DSCAM: variants seen among roughly 807,000 people sequenced by gnomAD.
DSCAM encodes DS cell adhesion molecule.
Under a neutral mutation model 217.7 loss-of-function variants are expected in DSCAM, and 47 were observed. That is an observed-to-expected ratio of 0.22 (90% CI 0.17 to 0.28). The LOEUF (loss-of-function observed/expected upper bound fraction) is 0.28, where lower values mean the gene tolerates loss of function less well. Ranked by LOEUF, DSCAM falls within the 10% of genes least tolerant of loss-of-function variation. DSCAM has a pLI of 1.00. For synonymous variants in DSCAM, 1,056 were observed against 1,015.3 expected, an observed-to-expected ratio of 1.04 and a Z score of -0.76; for missense variants, 2,080 against 2,618.3, an observed-to-expected ratio of 0.79 and a Z score of 4.49.
chr21:40,488,649 G>A (rs1332230809), intron 3 of DSCAM, among the ~76,000 whole-genome samples: 1 of 152,138 alleles, frequency 6.6e-6, no homozygotes, highest in Non-Finnish European at 1.5e-5. Flanking sequence ...GGGTTCCCTT[G>A]GGAATTACAG....
At chr21:40,455,504 C>T (rs1242338085) in intron 3 of DSCAM, among the ~76,000 whole-genome samples, 1 of 152,208 alleles carries the variant, frequency 6.6e-6, no homozygotes, top group Non-Finnish European at 1.5e-5. Context: ...CGGTGGCTCA[C>T]ACCTGTAATC....
At chr21:40,420,493 C>T (rs1034328592) in intron 3 of DSCAM, among the ~76,000 whole-genome samples, 40 of 152,128 alleles carry the variant, frequency 2.6e-4, no homozygotes, top group Non-Finnish European at 1.5e-5. Context: ...CTTTATGGAG[C>T]AAGCAGGAAG....
intron 3 of DSCAM, among the ~76,000 whole-genome samples, chr21:40,433,519 T>C (rs574428767): frequency 5.3e-5 from 8 of 152,302 alleles, no homozygotes; most frequent in Non-Finnish European, 1.0e-4. Flanking sequence ...TTTCCTATAA[T>C]TCAATTATTA....
intron 11 of DSCAM, among the ~76,000 whole-genome samples, chr21:40,250,968 T>C (rs2073295844): frequency 6.6e-6 from 1 of 152,208 alleles, no homozygotes; most frequent in African/African-American, 2.4e-5. Context: ...CCACAGAGCA[T>C]TTGCTCAATC....
chr21:40,442,594 A>T (rs2075641251), intron 3 of DSCAM, among the ~76,000 whole-genome samples: 1 of 133,932 alleles, frequency 7.5e-6, no homozygotes, highest in Non-Finnish European at 1.5e-5. Flanking sequence ...ATCTCGGCTC[A>T]CTGCAACCTC....
intron 5 of DSCAM, 113 bp from the exon 6 acceptor site, chr21:40,348,058 C>T (rs935576276): frequency 1.9e-6 from 2 of 1,048,020 alleles, no homozygotes; most frequent in African/African-American, 1.6e-5. Flanking sequence ...ATACTCCACA[C>T]AGTTCCCATC....
chr21:40,300,377 C>A (rs1349242212), intron 9 of DSCAM, among the ~76,000 whole-genome samples: 8 of 152,112 alleles, frequency 5.3e-5, no homozygotes, highest in African/African-American at 1.9e-4. Flanking sequence ...GAAAATGTAT[C>A]CTCAAATTCT....
At chr21:40,232,482 G>T (rs2091390804) in intron 11 of DSCAM, among the ~76,000 whole-genome samples, 1 of 152,022 alleles carries the variant, frequency 6.6e-6, no homozygotes, top group South Asian at 2.1e-4. Flanking sequence ...TCTCTACAAG[G>T]GACTTCTCTG....
At chr21:40,534,239 A>G (rs1395575871) in intron 3 of DSCAM, among the ~76,000 whole-genome samples, 1 of 152,194 alleles carries the variant, frequency 6.6e-6, no homozygotes, top group East Asian at 1.9e-4. Flanking sequence ...GGCAAAATCA[A>G]TTCAGATTCC....
chr21:40,648,250 TACAC>T (rs10639388), intron 3 of DSCAM, among the ~76,000 whole-genome samples: 155 of 145,792 alleles, frequency 1.1e-3, no homozygotes, highest in African/African-American at 2.3e-3. Context: ...CATATCCCTG[TACAC>T]ACACACACAC....
At chr21:40,215,957 A>C (rs542067617) in intron 11 of DSCAM, among the ~76,000 whole-genome samples, 1 of 149,134 alleles carries the variant, frequency 6.7e-6, no homozygotes, top group Non-Finnish European at 1.5e-5. Context: ...AAAAAAAAAC[A>C]ACTTTGGTAT....
chr21:40,195,811 A>AT (rs1323024128), intron 11 of DSCAM, among the ~76,000 whole-genome samples: 2 of 152,028 alleles, frequency 1.3e-5, no homozygotes, highest in East Asian at 1.9e-4. Flanking sequence ...TTTTAAAGCT[A>AT]TTTTTTCAAG....
chr21:40,118,524 T>A (rs2089998027), intron 20 of DSCAM, among the ~76,000 whole-genome samples: 1 of 151,942 alleles, frequency 6.6e-6, no homozygotes, highest in African/African-American at 2.4e-5. Flanking sequence ...GAGGTGGAGG[T>A]TGCAGTGAGC....
chr21:40,720,904 C>A (rs2090894196), intron 1 of DSCAM, among the ~76,000 whole-genome samples: 1 of 152,176 alleles, frequency 6.6e-6, no homozygotes, highest in Non-Finnish European at 1.5e-5. Flanking sequence ...GCGGAAGGAG[C>A]TTCCAGTTGA....
At chr21:40,845,540 C>CCTCTCT (rs71332310) in intron 1 of DSCAM, among the ~76,000 whole-genome samples, 13,400 of 138,756 alleles carry the variant, frequency 0.097, 783 homozygotes, top group African/African-American at 0.14. Flanking sequence ...CTCTTCTTCT[C>CCTCTCT]CTCTCTCTCT....
intron 5 of DSCAM, among the ~76,000 whole-genome samples, chr21:40,348,193 T>C (rs144312874): frequency 5.2e-4 from 3 of 5,740 alleles, no homozygotes; most frequent in Non-Finnish European, 9.1e-4. Flanking sequence ...ATCAGCCACA[T>C]TATTGCAATC....
chr21:40,721,114 C>T lies in DSCAM; in HGVS notation c.44-12343G>A, dbSNP rs75165088. On this transcript the variant is annotated intron_variant, in intron 1 of 32. Coordinates refer to ENST00000400454, the MANE Select transcript of DSCAM (RefSeq NM_001389.5). ...GAGTATTCAGAAATGTATCACACAGCTGCAGGGGACAAATTAATCATAACA... is the reference window on the plus strand; with the variant it reads ...GAGTATTCAGAAATGTATCACACAGTTGCAGGGGACAAATTAATCATAACA... 3.5e-4 allele frequency among the ~76,000 whole-genome samples: 54 copies of T among 152,272 alleles called. No homozygotes were observed. The East Asian group carries it at 9.7e-3, about 27-fold the overall frequency.
chr21:40,669,892 C>T (rs2090251896), intron 3 of DSCAM, among the ~76,000 whole-genome samples: 2 of 151,774 alleles, frequency 1.3e-5, no homozygotes, highest in African/African-American at 2.4e-5. Context: ...ATTTTTAAGC[C>T]TACAATATAC....
chr21:40,144,844 G>A lies in DSCAM; in HGVS notation c.3019-113C>T. 6.9e-7 allele frequency: 1 copy of A among 1,447,244 alleles called. No homozygotes were observed. Among genetic ancestry groups the A allele is most frequent in the Non-Finnish European group, 9.4e-7 (1 of 1,068,502 alleles). The allele number at this position is 1,447,244 out of a possible 1,614,324, so 89.7% of individuals were successfully genotyped here. ...AATAAAGTGGAGTCATCGCCACGATGCTGGGGCGGTGGTCCGGTAGCAGCC... is the reference window on the plus strand; with the variant it reads ...AATAAAGTGGAGTCATCGCCACGATACTGGGGCGGTGGTCCGGTAGCAGCC... On this transcript the variant is annotated intron_variant, in intron 16 of 32. Transcript: ENST00000400454. This position sits in a 1 kb window ranked among gnomAD's most constrained non-coding sequence, Gnocchi z 4.8.
Sources: gnomAD v4.1 joint callset for allele counts (sites outside exome capture counted in the v4.1 genomes callset) on GRCh38, gnomAD v4.1.1 for gene constraint, Gnocchi (gnomAD v3.1) non-coding constraint, MANE v1.5 for transcripts, NCBI Gene and HGNC (gene_info 2026-07-23, HGNC 2026-07-21) for gene names.